Variants in PDE8A observed in about 807,000 individuals in gnomAD.
PDE8A encodes the protein high affinity cAMP-specific and IBMX-insensitive 3',5'-cyclic phosphodiesterase 8A.
PDE8A carries 59 observed loss-of-function variants against 105.0 expected under a neutral mutation model. The ratio of observed to expected loss-of-function variants is 0.56; its 90% CI spans 0.46 to 0.70. The LOEUF (loss-of-function observed/expected upper bound fraction) is 0.70. PDE8A is among the 30% of genes least tolerant of loss of function. PDE8A has a pLI of 0.00. For missense variants in PDE8A, 1,014 were observed against 1,045.9 expected (o/e 0.97, Z 0.42); for synonymous variants, 355 against 371.9 (o/e 0.95, Z 0.52).
chr15:85,008,466 G>A (rs2080184757), intron 1 of PDE8A, among the ~76,000 whole-genome samples: 1 of 151,814 alleles, frequency 6.6e-6, no homozygotes, highest in South Asian at 2.1e-4. Flanking sequence ...CCCACCCCCA[G>A]TTCAGTTGGA....
chr15:85,135,972 T>C (rs894928141), intron 20 of PDE8A, among the ~76,000 whole-genome samples: 1 of 152,082 alleles, frequency 6.6e-6, no homozygotes, highest in African/African-American at 2.4e-5. Flanking sequence ...AAGTGGCCCC[T>C]GTGTGGGGAT....
intron 8 of PDE8A, among the ~76,000 whole-genome samples, chr15:85,096,295 A>T (rs1217944256): frequency 1.3e-5 from 2 of 152,070 alleles, no homozygotes; most frequent in Non-Finnish European, 2.9e-5. Context: ...TCACCCATTG[A>T]AAGTATACTA....
intron 1 of PDE8A, among the ~76,000 whole-genome samples, chr15:85,021,240 T>G (rs1476146541): frequency 6.6e-6 from 1 of 152,038 alleles, no homozygotes; most frequent in African/African-American, 2.4e-5. Context: ...AGAAATAAAT[T>G]TCTGTTTATA....
Position 85,099,777 on chromosome 15 carries a change from C to T in PDE8A, c.942-238C>T, listed in dbSNP as rs553082948. On this transcript the variant is annotated intron_variant, in intron 9 of 21. Coordinates refer to ENST00000394553, the MANE Select transcript of PDE8A (RefSeq NM_002605.3). Reference sequence around the variant, plus strand: ...AAAAAATATGTATATTTGATTGTCTCATGATTAATTGGGAAGAATTTTGTC... The same window carrying T: ...AAAAAATATGTATATTTGATTGTCTTATGATTAATTGGGAAGAATTTTGTC... 11 of 512,536 alleles carry T rather than the reference C, an allele frequency of 2.1e-5. No individual in the cohort carries two copies. The South Asian group carries it at 3.6e-4, about 17-fold the overall frequency. The allele number at this position is 512,536 out of a possible 1,614,324, so 31.7% of individuals were successfully genotyped here. A position where few individuals can be genotyped will look rare whatever the true frequency, so the allele number is the denominator to read the frequency against.
intron 6 of PDE8A, among the ~76,000 whole-genome samples, chr15:85,084,057 G>GT (rs370489408): frequency 0.14 from 20,893 of 145,534 alleles, 1,712 homozygotes; most frequent in Middle Eastern, 0.25. Flanking sequence ...GGGTTTTTTG[G>GT]TTTTTTTTTT....
chr15:85,062,962 C>G (rs2081169062), intron 1 of PDE8A: 1 of 152,246 alleles, frequency 6.6e-6, no homozygotes, highest in Admixed American at 6.5e-5. Context: ...CATCCAGTTA[C>G]ACCAGTATGA....
At chr15:85,033,841 G>A (rs2080657632) in intron 1 of PDE8A, among the ~76,000 whole-genome samples, 1 of 152,160 alleles carries the variant, frequency 6.6e-6, no homozygotes, top group African/African-American at 2.4e-5. Context: ...CTCCAGCCTG[G>A]GCGATAGAGC....
intron 1 of PDE8A, among the ~76,000 whole-genome samples, chr15:85,015,706 T>G (rs2080313716): frequency 6.6e-6 from 1 of 152,212 alleles, no homozygotes; most frequent in African/African-American, 2.4e-5. Flanking sequence ...AAACTCTGCA[T>G]TCCTTTTTTT....
chr15:85,120,706 C>A, intron 17 of PDE8A, 91 bp from the exon 18 acceptor site: 1 of 760,668 alleles, frequency 1.3e-6, no homozygotes, highest in Non-Finnish European at 2.2e-6. Flanking sequence ...ATATTCTTAC[C>A]TGAAAGTAAT....
chr15:85,062,510 A>G (rs557891105), intron 1 of PDE8A: 1 of 152,260 alleles, frequency 6.6e-6, no homozygotes, highest in African/African-American at 2.4e-5. Flanking sequence ...AGTCTCTTCA[A>G]CTGGAGGGGG....
At chr15:85,029,310 G>A (rs992085942) in intron 1 of PDE8A, among the ~76,000 whole-genome samples, 12 of 151,686 alleles carry the variant, frequency 7.9e-5, no homozygotes, top group African/African-American at 2.9e-4. Context: ...ATAAGTTAGT[G>A]TTGGCTACCG....
At position 85,098,035 on chromosome 15, in the gene PDE8A, G is replaced by C; in HGVS notation, c.940G>C (p.Gly314Arg). Residue 314 changes from glycine (G) to arginine (R), a missense_variant and splice_region_variant, in exon 9 of 22, where the codon GGA becomes CGA. Transcript: ENST00000394553. Reference protein sequence around the residue: ...VKIIPVIGQGGKIRHYVSIIR... With the variant: ...VKIIPVIGQGRKIRHYVSIIR... The stretch of plus-strand genomic sequence containing the variant: ...GATAATACCTGTCATTGGACAGGGA[G>C]GGTAAGTGGAAAAAACAAGTACATC... The C allele has an allele frequency of 6.4e-7, 1 of 1,550,406 alleles. No homozygotes were observed. Among genetic ancestry groups the C allele is most frequent in the Non-Finnish European group, 8.9e-7 (1 of 1,123,294 alleles).
At chr15:85,071,315 G>A (rs2081307372) in intron 3 of PDE8A, among the ~76,000 whole-genome samples, 1 of 152,242 alleles carries the variant, frequency 6.6e-6, no homozygotes, top group Non-Finnish European at 1.5e-5. Flanking sequence ...AGCCCCAGCA[G>A]AGCAGCAAGG....
At chr15:85,022,812 C>T (rs2141357591) in intron 1 of PDE8A, among the ~76,000 whole-genome samples, 1 of 152,186 alleles carries the variant, frequency 6.6e-6, no homozygotes, top group South Asian at 2.1e-4. Flanking sequence ...CTTGGCCTCC[C>T]TAAGTGCTGG....
intron 20 of PDE8A, among the ~76,000 whole-genome samples, chr15:85,135,478 T>G (rs1240369236): frequency 6.6e-6 from 1 of 151,672 alleles, no homozygotes; most frequent in Non-Finnish European, 1.5e-5. Flanking sequence ...TGTACTAGGG[T>G]CCCATCTAGA....
intron 1 of PDE8A, among the ~76,000 whole-genome samples, chr15:85,014,934 A>G (rs557322884): frequency 2.0e-5 from 3 of 151,964 alleles, no homozygotes; most frequent in Non-Finnish European, 4.4e-5. Context: ...CTGCCCCTTT[A>G]CCCGCTACAC....
At chr15:85,115,888 C>G (rs1846656732) in intron 15 of PDE8A, 96 bp from the exon 16 acceptor site, 2 of 1,125,552 alleles carry the variant, frequency 1.8e-6, no homozygotes, top group African/African-American at 1.6e-5. Flanking sequence ...CCACAACACT[C>G]CAGCCTGGGC....
intron 1 of PDE8A, among the ~76,000 whole-genome samples, chr15:85,055,666 G>C (rs1476572397): frequency 1.3e-5 from 2 of 152,150 alleles, no homozygotes; most frequent in South Asian, 4.1e-4. Flanking sequence ...TTGCTTGGTA[G>C]ATCTTCCTCC....
chr15:85,116,044 G>A lies in PDE8A; in HGVS notation c.1460G>A (p.Arg487Gln). Residue 487 changes from arginine (R) to glutamine (Q), a missense_variant, in exon 16 of 22, where the codon CGG (arginine) becomes CAG (glutamine). Transcript: ENST00000394553. ...TPISLDDVPPRIARAMENEEY... is the reference protein window; with the variant it reads ...TPISLDDVPPQIARAMENEEY... ...ATCTCCCTTGATGATGTCCCACCACGGATAGCTCGGGCCATGGAAAATGAG... is the reference window on the plus strand; with the variant it reads ...ATCTCCCTTGATGATGTCCCACCACAGATAGCTCGGGCCATGGAAAATGAG... 2 of 1,613,476 alleles carry A rather than the reference G, an allele frequency of 1.2e-6. No homozygotes were observed. Among genetic ancestry groups the A allele is most frequent in the Non-Finnish European group, 1.7e-6 (2 of 1,179,422 alleles).
Sources: gnomAD v4.1 joint callset for allele counts (sites outside exome capture counted in the v4.1 genomes callset) on GRCh38, gnomAD v4.1.1 for gene constraint, MANE v1.5 for transcripts, NCBI Gene and HGNC (gene_info 2026-07-23, HGNC 2026-07-21) for gene names.